The following KIAA1217 variants were observed in gnomAD, a reference collection of about 807,000 sequenced individuals.
KIAA1217 encodes sickle tail protein homolog.
In KIAA1217, 88 loss-of-function variants were observed where a neutral mutation model predicts 163.9. The observed-to-expected ratio is 0.54, with a 90% CI of 0.45 to 0.64. The LOEUF is 0.64. Among genes scored for constraint, KIAA1217 ranks in the 30% least tolerant of loss-of-function variants. The pLI is 0.00. For synonymous variants in KIAA1217, 903 were observed against 923.1 expected, an observed-to-expected ratio of 0.98 and a Z score of 0.39; for missense variants, 2,372 against 2,475.0, an observed-to-expected ratio of 0.96 and a Z score of 0.88.
At chr10:24,105,262 G>C (rs1218521990) in intron 2 of KIAA1217, among the ~76,000 whole-genome samples, 2 of 152,114 alleles carry the variant, frequency 1.3e-5, no homozygotes, top group Non-Finnish European at 2.9e-5. Flanking sequence ...GGGAACACCT[G>C]AATAGCACAA....
intron 14 of KIAA1217, among the ~76,000 whole-genome samples, chr10:24,530,790 C>G (rs921718872): frequency 6.6e-6 from 1 of 152,074 alleles, no homozygotes; most frequent in African/African-American, 2.4e-5. Flanking sequence ...TCCAGCTACT[C>G]TGGGCTGGGG....
rs145946478 is a variant in KIAA1217, at chr10:23,866,575, C to T, written c.-320-140650C>T. On this transcript the variant is annotated intron_variant, in intron 1 of 18. Coordinates refer to the KIAA1217 transcript ENST00000376462. ...AGGGCAGCTGTACCCTTTTCCCAGG[C>T]TTATCTCCCCCTCCTGGGAAGGACC... 2.4e-3 allele frequency among the ~76,000 whole-genome samples: 370 copies of T among 152,138 alleles called. 1 individual carries two copies. Among genetic ancestry groups the T allele is most frequent in the African/African-American group, 8.6e-3 (356 of 41,524 alleles).
At chr10:24,269,382 G>A (rs982776899) in intron 2 of KIAA1217, among the ~76,000 whole-genome samples, 5 of 151,918 alleles carry the variant, frequency 3.3e-5, no homozygotes, top group African/African-American at 9.7e-5. Context: ...CATATGAGGC[G>A]GCCTGTTGGC....
At chr10:23,761,546 A>T (rs1364941711) in intron 1 of KIAA1217, among the ~76,000 whole-genome samples, 1 of 152,102 alleles carries the variant, frequency 6.6e-6, no homozygotes, top group East Asian at 1.9e-4. Flanking sequence ...TTCAATTTCC[A>T]TGTAATTGTA....
At chr10:24,100,037 G>A (rs570333947) in intron 2 of KIAA1217, among the ~76,000 whole-genome samples, 1 of 151,984 alleles carries the variant, frequency 6.6e-6, no homozygotes, top group South Asian at 2.1e-4. Context: ...TACTGGGACA[G>A]CCCTTTTCTT....
At chr10:23,766,835 G>T (rs973374990) in intron 1 of KIAA1217, among the ~76,000 whole-genome samples, 5 of 152,044 alleles carry the variant, frequency 3.3e-5, no homozygotes, top group African/African-American at 1.2e-4. Flanking sequence ...CAAATGATCT[G>T]CCTGCCTTGG....
intron 2 of KIAA1217, among the ~76,000 whole-genome samples, chr10:24,190,010 G>A (rs1002924962): frequency 4.7e-5 from 7 of 148,262 alleles, no homozygotes; most frequent in African/African-American, 1.8e-4. Context: ...GACAGAGTGA[G>A]ACTCTGTCTC....
At chr10:23,906,255 C>CAG (rs1842159567) in intron 1 of KIAA1217, among the ~76,000 whole-genome samples, 1 of 85,632 alleles carries the variant, frequency 1.2e-5, no homozygotes, top group East Asian at 2.5e-4. Context: ...CCATAGGAAG[C>CAG]ACACACACAC....
intron 2 of KIAA1217, among the ~76,000 whole-genome samples, chr10:24,294,520 T>A (rs2079484828): frequency 6.6e-6 from 1 of 152,198 alleles, no homozygotes; most frequent in Non-Finnish European, 1.5e-5. Flanking sequence ...GGCAAGTTAA[T>A]GGCAGTTAGC....
In KIAA1217 at chr10:24,343,276, TAGTTGCTATCCTGTATATTA is replaced by T. The variant is rs1181933561; in HGVS notation, c.355-37591_355-37572del. Among the ~76,000 whole-genome samples the T allele has an allele frequency of 4.6e-5, 7 of 152,336 alleles. No homozygotes were observed. In the South Asian group the frequency reaches 1.4e-3, roughly 32 times the overall value. On this transcript the variant is annotated intron_variant, in intron 2 of 20. Transcript: ENST00000376454. ...TGCAACATATAAGAATGCTAGTTGA[TAGTTGCTATCCTGTATATTA>T]ACTTTTTAAAAGTTTTGCTAACCCA...
chr10:24,541,318 T>C (rs766617050), intron 17 of KIAA1217, among the ~76,000 whole-genome samples: 20 of 151,916 alleles, frequency 1.3e-4, no homozygotes, highest in Non-Finnish European at 2.1e-4. Context: ...TGGCACTTGT[T>C]TGGGGGCTTC....
At chr10:23,722,524 G>A (rs1477571696) in intron 1 of KIAA1217, among the ~76,000 whole-genome samples, 1 of 152,014 alleles carries the variant, frequency 6.6e-6, no homozygotes, top group East Asian at 1.9e-4. Flanking sequence ...TATTTTATTT[G>A]TAAATTCAAA....
At chr10:24,117,631 T>C (rs2131765439) in intron 2 of KIAA1217, among the ~76,000 whole-genome samples, 1 of 152,242 alleles carries the variant, frequency 6.6e-6, no homozygotes, top group South Asian at 2.1e-4. Context: ...TGAGATCCTG[T>C]CTCAAAAATA....
chr10:24,448,690 T>C lies in KIAA1217; in HGVS notation c.846+10211T>C, dbSNP rs187955610. 1.1e-3 allele frequency among the ~76,000 whole-genome samples: 165 copies of C among 152,328 alleles called. 1 individual carries two copies. Among genetic ancestry groups the C allele is most frequent in the Admixed American group, 0.01 (153 of 15,298 alleles). On this transcript the variant is annotated intron_variant, in intron 5 of 20. Coordinates refer to ENST00000376454, the MANE Select transcript of KIAA1217 (RefSeq NM_019590.5). ...GCATGAGCCACTGTGCCTGGCCCCT[T>C]GCTTTTAGATTGAGTCGATAGTCAG...
intron 2 of KIAA1217, among the ~76,000 whole-genome samples, chr10:24,148,118 A>G (rs995372582): frequency 3.3e-5 from 5 of 152,110 alleles, no homozygotes; most frequent in Admixed American, 6.5e-5. Context: ...AAAGCCATAT[A>G]TGGATATTTA....
At chr10:23,836,547 T>C (rs1338843639) in intron 1 of KIAA1217, among the ~76,000 whole-genome samples, 1 of 151,136 alleles carries the variant, frequency 6.6e-6, no homozygotes, top group Non-Finnish European at 1.5e-5. Flanking sequence ...TGTATAAATG[T>C]AAGAGGTACA....
chr10:24,537,053 T>A (rs74554528), intron 17 of KIAA1217, among the ~76,000 whole-genome samples, 160 bp downstream of exon 17: 10,765 of 152,072 alleles, frequency 0.071, 536 homozygotes, highest in East Asian at 0.11. Context: ...ATCAGAGATA[T>A]CTTGCTCAGG....
chr10:24,510,114 C>T (rs1035701738), intron 9 of KIAA1217, among the ~76,000 whole-genome samples: 2 of 152,100 alleles, frequency 1.3e-5, no homozygotes, highest in Non-Finnish European at 2.9e-5. Flanking sequence ...ATGGCATGCT[C>T]CCTGCCTTGA....
intron 1 of KIAA1217, among the ~76,000 whole-genome samples, chr10:23,759,696 T>G (rs1394475238): frequency 6.6e-6 from 1 of 152,230 alleles, no homozygotes; most frequent in Non-Finnish European, 1.5e-5. Context: ...TAGATAATGG[T>G]GTAGTGAGAT....
Sources: allele counts gnomAD v4.1 joint callset (sites outside exome capture counted in the v4.1 genomes callset), GRCh38; gene constraint gnomAD v4.1.1; transcripts MANE v1.5; gene names NCBI Gene and HGNC (gene_info 2026-07-23, HGNC 2026-07-21).